SMIM23: variants seen among roughly 807,000 people sequenced by gnomAD.
SMIM23 encodes CTB-78H18.1.
SMIM23 carries 10 observed loss-of-function variants against 12.8 expected under a neutral mutation model. That is an observed-to-expected ratio of 0.78 (90% CI 0.48 to 1.32). The LOEUF (loss-of-function observed/expected upper bound fraction) is 1.32, where lower values mean the gene tolerates loss of function less well. SMIM23 is among the 40% of genes most tolerant of loss of function. The pLI is 0.00. For missense variants in SMIM23, 184 were observed against 198.2 expected (o/e 0.93, Z 0.43); for synonymous variants, 78 against 80.1 (o/e 0.97, Z 0.14).
chr5:171,790,772 C>T, intron 3 of SMIM23, 23 bp from the exon 4 acceptor site: 2 of 1,535,808 alleles, frequency 1.3e-6, no homozygotes, highest in Non-Finnish European at 1.7e-6. Flanking sequence ...GCACAGGATG[C>T]CACTTCTGTG....
At chr5:171,782,262 A>G (rs1301866392), upstream of SMIM23, among the ~76,000 whole-genome samples, 1 of 152,240 alleles carries the variant, frequency 6.6e-6, no homozygotes, top group East Asian at 1.9e-4. Flanking sequence ...TTGGATATTC[A>G]AAAAGTCTAA....
At position 171,785,900 on chromosome 5, in the gene SMIM23, GGCAGGTGGCAGCAGA is replaced by G; in HGVS notation, c.42_56del (p.Glu15_Ala19del). 2 of 1,536,284 alleles carry G rather than the reference GGCAGGTGGCAGCAGA, an allele frequency of 1.3e-6. No individual in the cohort carries two copies. The highest frequency in any genetic ancestry group is 2.7e-5 in the African/African-American group (2 of 73,168). On this transcript the variant is annotated inframe_deletion, in exon 1 of 4. Coordinates refer to ENST00000523047, the MANE Select transcript of SMIM23 (RefSeq NM_001289970.2). ...GCAACCCAGCAAGTGGACAGCAGAA[GGCAGGTGGCAGCAGA>G]GCAGGTGGCAGCCCAGCTGCTTGAA...
the SMIM23 span, among the ~76,000 whole-genome samples, chr5:171,773,404 T>C: frequency 2.0e-5 from 3 of 152,238 alleles, no homozygotes; most frequent in Non-Finnish European, 4.4e-5. Context: ...CTGAGGTCAC[T>C]GAATCCCTTC....
upstream of SMIM23, among the ~76,000 whole-genome samples, chr5:171,784,992 AAGAG>A (rs1245522768): frequency 3.3e-5 from 5 of 152,314 alleles, no homozygotes; most frequent in Non-Finnish European, 2.9e-5. Flanking sequence ...AAATTTTAGA[AAGAG>A]AGAGCAGATG....
At position 171,790,900 on chromosome 5, in the gene SMIM23, G is replaced by T; in HGVS notation, c.331G>T (p.Val111Leu). The T allele has an allele frequency of 6.5e-7, 1 of 1,536,166 alleles. No homozygotes were observed. The highest frequency in any genetic ancestry group is 2.4e-5 in the East Asian group (1 of 40,918). Residue 111 changes from valine to leucine, a missense_variant, in exon 4 of 4, where the codon GTG becomes TTG. Transcript: ENST00000523047. The stretch of plus-strand genomic sequence containing the variant: ...CTTCTCGGAGAAGTTAGAGGAAGAG[G>T]TGCAGCAGCTGGAGCAGCTAGCGTG... Reference protein sequence around the residue: ...HVFSEKLEEEVQQLEQLAWDL... With the variant: ...HVFSEKLEEELQQLEQLAWDL...
At chr5:171,772,919 A>C in the SMIM23 span, among the ~76,000 whole-genome samples, 2 of 152,220 alleles carry the variant, frequency 1.3e-5, no homozygotes, top group Non-Finnish European at 2.9e-5. Flanking sequence ...TATTTCACTA[A>C]GGGTGATAGG....
chr5:171,777,713 C>A (rs1487686387), upstream of SMIM23, among the ~76,000 whole-genome samples: 1 of 152,230 alleles, frequency 6.6e-6, no homozygotes, highest in African/African-American at 2.4e-5. Flanking sequence ...CATCCCCCAG[C>A]CTCTCAGAAC....
upstream of SMIM23, among the ~76,000 whole-genome samples, chr5:171,777,665 G>A (rs1398283554): frequency 6.6e-6 from 1 of 152,212 alleles, no homozygotes; most frequent in African/African-American, 2.4e-5. Context: ...GACTGTGAGA[G>A]GGAGATAGAC....
chr5:171,778,716 G>A (rs555039589), upstream of SMIM23, among the ~76,000 whole-genome samples: 8 of 152,224 alleles, frequency 5.3e-5, no homozygotes, highest in East Asian at 3.9e-4. Flanking sequence ...AATTTCTGTC[G>A]TTTCAAACCA....
At chr5:171,774,413 A>G in the SMIM23 span, 2 of 456,344 alleles carry the variant, frequency 4.4e-6, no homozygotes, top group Middle Eastern at 3.3e-4. Flanking sequence ...AGCAGAAACA[A>G]TATGGGAACC....
chr5:171,787,893 A>T (rs534175838), intron 1 of SMIM23, among the ~76,000 whole-genome samples: 2 of 152,240 alleles, frequency 1.3e-5, no homozygotes, highest in African/African-American at 4.8e-5. Context: ...TCTTTCTCTT[A>T]TCATTGTGTC....
At chr5:171,785,816 A>G (rs1403433717), upstream of SMIM23, 4 of 1,391,096 alleles carry the variant, frequency 2.9e-6, no homozygotes, top group East Asian at 7.5e-5. Flanking sequence ...GGGGGAGGGG[A>G]AGGGTGCCCT....
rs918422927 is a variant in SMIM23 at position 171,786,964 on chromosome 5, A to G, written c.105+988A>G. On this transcript the variant is annotated intron_variant, in intron 1 of 3. Transcript: ENST00000523047. ...AAGTCTGCATAGCTTTGTTTACCAC[A>G]GCATTTCCCACCTTGATTCTACCAG... 2.2e-4 allele frequency among the ~76,000 whole-genome samples: 32 copies of G among 144,286 alleles called. No homozygotes were observed. In the Admixed American group the frequency reaches 2.2e-3, roughly 10 times the overall value. The allele number at this position is 144,286 out of a possible 152,430, so 94.7% of individuals were successfully genotyped here.
the SMIM23 span, among the ~76,000 whole-genome samples, chr5:171,775,870 T>TTTG: frequency 6.6e-6 from 1 of 151,874 alleles, no homozygotes; most frequent in African/African-American, 2.4e-5. Flanking sequence ...CGTATTTCAT[T>TTTG]TTGTTTTGTT....
At chr5:171,779,939 G>A (rs77063542), upstream of SMIM23, among the ~76,000 whole-genome samples, 45 of 152,170 alleles carry the variant, frequency 3.0e-4, no homozygotes, top group East Asian at 8.1e-3. Context: ...AGTTCATCTC[G>A]TTTAGCGCTC....
rs1439547342 is a variant in SMIM23 at position 171,790,170 on chromosome 5, G to A, written c.106-60G>A. The A allele has an allele frequency of 4.0e-6, 6 of 1,491,412 alleles. No homozygotes were observed. In the East Asian group the frequency reaches 1.2e-4, roughly 31 times the overall value. The allele number at this position is 1,491,412 out of a possible 1,614,324, so 92.4% of individuals were successfully genotyped here. A position where few individuals can be genotyped will look rare whatever the true frequency, so the allele number is the denominator to read the frequency against. ...GTCTGGCCCTTTGTGATGGAAGCAG[G>A]GGGACCTGGAGAGAATTCATCCTCA... On this transcript the variant is annotated intron_variant, in intron 1 of 3. Transcript: ENST00000523047.
At chr5:171,790,201 T>A (rs2113654189) in intron 1 of SMIM23, 29 bp from the exon 2 acceptor site, 1 of 1,535,406 alleles carries the variant, frequency 6.5e-7, no homozygotes. Context: ...CCTCATGTTC[T>A]TCCTCCTCTT....
At chr5:171,788,581 A>T (rs1755862296) in intron 1 of SMIM23, among the ~76,000 whole-genome samples, 1 of 152,172 alleles carries the variant, frequency 6.6e-6, no homozygotes, top group Non-Finnish European at 1.5e-5. Flanking sequence ...ATTAGGAACA[A>T]TTTGATGCCA....
chr5:171,787,004 C>CTTTTTTTTTTTTTTT, intron 1 of SMIM23, among the ~76,000 whole-genome samples: 1 of 71,256 alleles, frequency 1.4e-5, no homozygotes, highest in Non-Finnish European at 2.8e-5. Flanking sequence ...CCATTGTTTC[C>CTTTTTTTTTTTTTTT]TTTTTTTTTT....
Sources: allele counts gnomAD v4.1 joint callset (sites outside exome capture counted in the v4.1 genomes callset), GRCh38; gene constraint gnomAD v4.1.1; transcripts MANE v1.5; gene names NCBI Gene and HGNC (gene_info 2026-07-23, HGNC 2026-07-21).